AGGF1: variants seen among roughly 807,000 people sequenced by gnomAD.
AGGF1 encodes the protein angiogenic factor with G-patch and FHA domains 1, also known as angiogenic factor with G patch and FHA domains 1.
AGGF1 carries 56 observed loss-of-function variants against 86.5 expected under a neutral mutation model. The observed-to-expected ratio is 0.65, with a 90% CI of 0.52 to 0.81. The LOEUF is 0.81. Ranked by LOEUF, AGGF1 falls within the 30% of genes least tolerant of loss-of-function variation. AGGF1 has a pLI of 0.00. For synonymous variants in AGGF1, 313 were observed against 297.1 expected (o/e 1.05, Z -0.55); for missense variants, 816 against 850.9 (o/e 0.96, Z 0.51).
intron 5 of AGGF1, among the ~76,000 whole-genome samples, chr5:77,040,108 ATTT>A (rs11320290): frequency 6.3e-5 from 9 of 141,858 alleles, no homozygotes; most frequent in Admixed American, 7.0e-5. Flanking sequence ...TACTAGGACA[ATTT>A]TTTTTTTTTT....
chr5:77,053,148 A>G (rs575658041), intron 9 of AGGF1, among the ~76,000 whole-genome samples: 2 of 152,316 alleles, frequency 1.3e-5, no homozygotes, highest in South Asian at 2.1e-4. Flanking sequence ...TGAAAACTGT[A>G]TTAAAGGGAA....
intron 12 of AGGF1, among the ~76,000 whole-genome samples, chr5:77,060,544 G>C (rs992803755): frequency 3.9e-5 from 6 of 152,056 alleles, no homozygotes; most frequent in Non-Finnish European, 8.8e-5. Flanking sequence ...CCGTATTTCT[G>C]CATTTAATCA....
chr5:77,062,996 A>T, intron 13 of AGGF1, 56 bp from the exon 14 acceptor site: 1 of 1,582,692 alleles, frequency 6.3e-7, no homozygotes. Flanking sequence ...TGGACACAGC[A>T]GATTTCAATG....
chr5:77,059,450 A>G (rs1388048088), intron 11 of AGGF1, among the ~76,000 whole-genome samples, 166 bp from the exon 12 acceptor site: 1 of 152,128 alleles, frequency 6.6e-6, no homozygotes, highest in Non-Finnish European at 1.5e-5. Flanking sequence ...CCAAAATGCT[A>G]GGATTATAGG....
At chr5:77,056,793 T>C (rs1747469114) in intron 11 of AGGF1, among the ~76,000 whole-genome samples, 1 of 152,168 alleles carries the variant, frequency 6.6e-6, no homozygotes, top group African/African-American at 2.4e-5. Context: ...TTAATGTTTT[T>C]CTAAAGACAC....
chr5:77,047,982 A>G (rs901427925), intron 6 of AGGF1, among the ~76,000 whole-genome samples, 179 bp from the exon 7 acceptor site: 2 of 152,200 alleles, frequency 1.3e-5, no homozygotes, highest in Admixed American at 1.3e-4. Flanking sequence ...CACTTTAATA[A>G]CAGTGTTAAG....
chr5:77,035,828 G>C, intron 3 of AGGF1, 85 bp downstream of exon 3: 1 of 1,178,002 alleles, frequency 8.5e-7, no homozygotes, highest in Non-Finnish European at 1.3e-6. Context: ...AGACTTCTTT[G>C]GTCCGTCACA....
chr5:77,048,297 C>T (rs370325170), intron 7 of AGGF1, 25 bp downstream of exon 7: 2 of 1,487,642 alleles, frequency 1.3e-6, no homozygotes, highest in African/African-American at 2.8e-5. Flanking sequence ...ATTATTATAT[C>T]ATTCTTTCAG....
rs1447788781 is a variant in AGGF1, at chr5:77,064,933, T to G, written c.*1681T>G. On this transcript the variant is annotated 3_prime_UTR_variant, in exon 14 of 14. Coordinates refer to ENST00000312916, the MANE Select transcript of AGGF1 (RefSeq NM_018046.5). ...CTATTAAGAAAATGGAAAACTTAAATATGGTGTTAAAAATGGAAATATATG... is the reference window on the plus strand; with the variant it reads ...CTATTAAGAAAATGGAAAACTTAAAGATGGTGTTAAAAATGGAAATATATG... 1.3e-5 allele frequency: 2 copies of G among 152,182 alleles called. No individual in the cohort carries two copies. Among genetic ancestry groups the G allele is most frequent in the African/African-American group, 4.8e-5 (2 of 41,442 alleles). 9.4% of individuals were successfully genotyped at this position (152,182 alleles called of 1,614,324 possible).
At chr5:77,060,567 A>AT (rs769435572) in intron 12 of AGGF1, among the ~76,000 whole-genome samples, 1 of 152,022 alleles carries the variant, frequency 6.6e-6, no homozygotes, top group Non-Finnish European at 1.5e-5. Context: ...TATTAGCTGC[A>AT]TTTTTTTCCT....
chr5:77,046,254 C>A, intron 5 of AGGF1, 93 bp from the exon 6 acceptor site: 1 of 1,085,800 alleles, frequency 9.2e-7, no homozygotes, highest in Non-Finnish European at 1.4e-6. Flanking sequence ...CACATATCTT[C>A]ACGAATTCGT....
At chr5:77,056,789 T>A (rs1222615110) in intron 11 of AGGF1, among the ~76,000 whole-genome samples, 4 of 152,148 alleles carry the variant, frequency 2.6e-5, no homozygotes, top group African/African-American at 4.8e-5. Flanking sequence ...AAAATTAATG[T>A]TTTTCTAAAG....
At chr5:77,043,869 G>A (rs1307359159) in intron 5 of AGGF1, among the ~76,000 whole-genome samples, 5 of 139,848 alleles carry the variant, frequency 3.6e-5, no homozygotes, top group East Asian at 4.4e-4. Context: ...CAGACGGGGC[G>A]GCCGGGCAGA....
Position 77,063,063 on chromosome 5 carries a change from G to C in AGGF1, c.1956G>C (p.Gln652His), listed in dbSNP as rs1359018114. The C allele has an allele frequency of 1.2e-6, 2 of 1,613,894 alleles. No individual in the cohort carries two copies. Among genetic ancestry groups the C allele is most frequent in the South Asian group, 2.2e-5 (2 of 91,088 alleles). The change falls in exon 14 of 14, where the codon CAG becomes CAC. Residue 652 changes from glutamine (Q) to histidine (H), a missense_variant. By Grantham distance (24) the Gln-to-His change is conservative (BLOSUM62 0). Around this residue, in one of 3 missense-constraint regions of AGGF1, gnomAD observed 565 missense variants for 585.8 expected, o/e 0.96. Coordinates refer to ENST00000312916, the MANE Select transcript of AGGF1 (RefSeq NM_018046.5). ...ACTTTTGGTAACAGATCCAGCTTCA[G>C]CTTCGGCGAACACATGCAGGCTTGG... The part of the protein sequence containing the change: ...GGGMKTPIQL[Q>H]LRRTHAGLGT...
At chr5:77,056,631 T>C (rs1268546049) in intron 11 of AGGF1, among the ~76,000 whole-genome samples, 1 of 150,764 alleles carries the variant, frequency 6.6e-6, no homozygotes. Flanking sequence ...GAACCATCTA[T>C]AAAAATGATC....
chr5:77,039,477 TAA>T (rs1330047796), intron 4 of AGGF1, 52 bp from the exon 5 acceptor site: 15 of 1,434,312 alleles, frequency 1.0e-5, no homozygotes, highest in Middle Eastern at 2.5e-4. Flanking sequence ...GCATTTTCGT[TAA>T]GTTTATTTTA....
In AGGF1 at chr5:77,046,693, T is replaced by C. The variant is rs776855260; in HGVS notation, c.1201+16T>C. ...GAGGATGAAGGTGAGTAAATAATCA[T>C]TATTTAAGTAAATAGCCCAGTCTGG... On this transcript the variant is annotated intron_variant, in intron 6 of 13. Transcript: ENST00000312916. 6.2e-7 allele frequency: 1 copy of C among 1,609,450 alleles called. No homozygotes were observed. The highest frequency in any genetic ancestry group is 1.7e-5 in the Admixed American group (1 of 60,010).
intron 1 of AGGF1, 147 bp downstream of exon 1, chr5:77,031,123 A>C: frequency 1.2e-6 from 1 of 867,868 alleles, no homozygotes; most frequent in East Asian, 2.6e-5. Flanking sequence ...CGCAGTTACA[A>C]TTCCAAGTAC....
chr5:77,030,525 T>C lies in AGGF1; in HGVS notation c.-242T>C. 1.5e-6 allele frequency: 1 copy of C among 684,094 alleles called. No individual in the cohort carries two copies. The highest frequency in any genetic ancestry group is 1.8e-5 in the African/African-American group (1 of 56,764). The allele number at this position is 684,094 out of a possible 1,614,324, so 42.4% of individuals were successfully genotyped here. ...TGGAGAAGGTAGTTTCCAGGAAAGT[T>C]TTCCGGTTTGCAGGCCGCGCACATC... On this transcript the variant is annotated 5_prime_UTR_variant, in exon 1 of 14. Coordinates refer to ENST00000312916, the MANE Select transcript of AGGF1 (RefSeq NM_018046.5).
Sources: gnomAD v4.1 joint callset for allele counts (sites outside exome capture counted in the v4.1 genomes callset) on GRCh38, gnomAD v4.1.1 for gene constraint, gnomAD v4.1.1 regional missense constraint, MANE v1.5 for transcripts, NCBI Gene and HGNC (gene_info 2026-07-23, HGNC 2026-07-21) for gene names.